GLRA1: variants seen among roughly 807,000 people sequenced by gnomAD.
GLRA1 encodes the protein glycine receptor alpha 1.
In GLRA1, 37 loss-of-function variants were observed where a neutral mutation model predicts 48.3. The ratio of observed to expected loss-of-function variants is 0.77; its 90% CI spans 0.59 to 1.01. GLRA1 has a LOEUF of 1.01. GLRA1 is among the 50% of genes least tolerant of loss of function. The pLI, the probability that GLRA1 is intolerant of heterozygous loss-of-function variation, is 0.00. For missense variants in GLRA1, 427 were observed against 571.0 expected (o/e 0.75, Z 2.57); for synonymous variants, 196 against 210.7 (o/e 0.93, Z 0.60).
rs1275055590 is a variant in GLRA1, at chr5:151,831,541, G to T, written c.913-2474C>A. 2.4e-4 allele frequency among the ~76,000 whole-genome samples: 36 copies of T among 152,122 alleles called. 1 individual carries two copies. The highest frequency in any genetic ancestry group is 2.4e-3 in the Admixed American group (36 of 15,274). ...TGTAAACAAAGCTGCCAGGAAGTTC[G>T]AACTGGGTGGAGCACACCACAGCTC... On this transcript the variant is annotated intron_variant, in intron 7 of 8. Transcript: ENST00000274576.
chr5:151,851,357 A>G, intron 7 of GLRA1, 33 bp downstream of exon 7: 1 of 1,398,780 alleles, frequency 7.1e-7, no homozygotes, highest in Non-Finnish European at 1.0e-6. Flanking sequence ...TTATTTGTCC[A>G]GGTGTTCTGT....
intron 1 of GLRA1, among the ~76,000 whole-genome samples, chr5:151,918,892 TA>T (rs755137904): frequency 4.6e-5 from 7 of 152,098 alleles, no homozygotes; most frequent in South Asian, 2.1e-4. Flanking sequence ...AAGAGTGCAT[TA>T]AAAAAAATCT....
At chr5:151,849,124 C>CTTTCTTTTCTTTTCTTTTCT (rs1752778419) in intron 7 of GLRA1, 1 of 187,120 alleles carries the variant, frequency 5.3e-6, no homozygotes, top group Non-Finnish European at 9.2e-6. Flanking sequence ...TTCTTTCTTT[C>CTTTCTTTTCTTTTCTTTTCT]TTTCTTTCTT....
At chr5:151,887,726 A>G (rs1288980684) in intron 2 of GLRA1, among the ~76,000 whole-genome samples, 1 of 152,202 alleles carries the variant, frequency 6.6e-6, no homozygotes, top group Non-Finnish European at 1.5e-5. Flanking sequence ...TCACGATCAC[A>G]CAGACAGTGG....
In GLRA1 at chr5:151,831,754, G is replaced by A. The variant is rs143265155; in HGVS notation, c.913-2687C>T. Among the ~76,000 whole-genome samples the A allele has an allele frequency of 9.2e-3, 1,397 of 152,322 alleles. 19 individuals are homozygous for A. The highest frequency in any genetic ancestry group is 0.031 in the African/African-American group (1,304 of 41,574). On this transcript the variant is annotated intron_variant, in intron 7 of 8. Transcript: ENST00000274576. ...CAGACTTAAACGTTCCTGCCTGCCAGCTCTGAAGAGAGCAGTGGATCTCCC... is the reference window on the plus strand; with the variant it reads ...CAGACTTAAACGTTCCTGCCTGCCAACTCTGAAGAGAGCAGTGGATCTCCC...
intron 1 of GLRA1, among the ~76,000 whole-genome samples, chr5:151,903,492 G>A (rs1046854872): frequency 4.6e-5 from 7 of 152,156 alleles, no homozygotes; most frequent in Admixed American, 3.3e-4. Flanking sequence ...AGTCAGAGCT[G>A]CAGCTATGCT....
At chr5:151,861,661 G>T (rs1367808673) in intron 3 of GLRA1, among the ~76,000 whole-genome samples, 1 of 152,066 alleles carries the variant, frequency 6.6e-6, no homozygotes, top group Non-Finnish European at 1.5e-5. Flanking sequence ...GCCAAATCAT[G>T]AGTGAACTCC....
At position 151,872,906 on chromosome 5, in the gene GLRA1, C is replaced by T. The variant is rs1201073299; in HGVS notation, c.253-12898G>A. Among the ~76,000 whole-genome samples, 2 of 149,480 alleles carry T rather than the reference C, an allele frequency of 1.3e-5. 1 individual carries two copies. Among genetic ancestry groups the T allele is most frequent in the African/African-American group, 5.1e-5 (2 of 38,884 alleles). ...AAGCAAATTGTATTGCACAATCCTA[C>T]TTATATAAAGACATGTATATGTACC... On this transcript the variant is annotated intron_variant, in intron 3 of 8. Transcript: ENST00000274576.
chr5:151,894,931 A>G (rs1754192719), intron 1 of GLRA1, among the ~76,000 whole-genome samples: 1 of 152,220 alleles, frequency 6.6e-6, no homozygotes, highest in Non-Finnish European at 1.5e-5. Flanking sequence ...TAATCTGAAG[A>G]TCCTTACTCA....
intron 2 of GLRA1, among the ~76,000 whole-genome samples, 162 bp from the exon 3 acceptor site, chr5:151,886,950 C>T (rs1753923958): frequency 6.6e-6 from 1 of 152,174 alleles, no homozygotes; most frequent in African/African-American, 2.4e-5. Flanking sequence ...TTCCCAGCCA[C>T]CATTTAACAT....
At chr5:151,836,625 C>T (rs943142273) in intron 7 of GLRA1, among the ~76,000 whole-genome samples, 4 of 152,154 alleles carry the variant, frequency 2.6e-5, no homozygotes, top group African/African-American at 7.2e-5. Context: ...ACCAACGGAA[C>T]AGAACAGAGG....
chr5:151,922,970 T>G (rs1169328692), intron 1 of GLRA1, among the ~76,000 whole-genome samples: 1 of 152,262 alleles, frequency 6.6e-6, no homozygotes, highest in Non-Finnish European at 1.5e-5. Context: ...CTATTAAATA[T>G]GCAGGGGATA....
At chr5:151,890,201 T>C (rs1434860970) in intron 2 of GLRA1, among the ~76,000 whole-genome samples, 1 of 152,190 alleles carries the variant, frequency 6.6e-6, no homozygotes, top group Non-Finnish European at 1.5e-5. Flanking sequence ...AAAAAGTCAC[T>C]TAACTGCTCT....
intron 3 of GLRA1, among the ~76,000 whole-genome samples, chr5:151,864,919 AT>A (rs1753292683): frequency 6.6e-6 from 1 of 152,134 alleles, no homozygotes; most frequent in Non-Finnish European, 1.5e-5. Context: ...GACTTTTCTT[AT>A]TTTATATCTG....
chr5:151,875,318 G>T (rs1213654324), intron 3 of GLRA1, among the ~76,000 whole-genome samples: 3 of 152,128 alleles, frequency 2.0e-5, no homozygotes, highest in African/African-American at 7.2e-5. Flanking sequence ...GCCTACAGGT[G>T]CATGCCACCA....
At chr5:151,889,370 A>G (rs967318246) in intron 2 of GLRA1, among the ~76,000 whole-genome samples, 1 of 152,258 alleles carries the variant, frequency 6.6e-6, no homozygotes, top group Non-Finnish European at 1.5e-5. Flanking sequence ...ACAGAATAAC[A>G]GAGCTGGAAT....
chr5:151,844,312 G>T (rs1275373875), intron 7 of GLRA1, among the ~76,000 whole-genome samples: 1 of 151,816 alleles, frequency 6.6e-6, no homozygotes, highest in Non-Finnish European at 1.5e-5. Context: ...CCTTGGATTA[G>T]GCAATAGTTT....
At chr5:151,843,548 A>G (rs1313551374) in intron 7 of GLRA1, among the ~76,000 whole-genome samples, 1 of 152,140 alleles carries the variant, frequency 6.6e-6, no homozygotes, top group Non-Finnish European at 1.5e-5. Context: ...GGTGTGAGCC[A>G]CCATGCCTGG....
Position 151,868,758 on chromosome 5 carries a change from TG to T in GLRA1, c.253-8751del, listed in dbSNP as rs199690912. Among the ~76,000 whole-genome samples the T allele has an allele frequency of 5.7e-3, 874 of 152,308 alleles. 12 individuals are homozygous for T. The highest frequency in any genetic ancestry group is 0.02 in the African/African-American group (845 of 41,558). On this transcript the variant is annotated intron_variant, in intron 3 of 8. Transcript: ENST00000274576. The stretch of plus-strand genomic sequence containing the variant: ...TGCCCTAGATTTAGCAGTCTGCTAG[TG>T]CTTTATTTCTGCCTCGAGCCATGGA...
Sources: allele counts gnomAD v4.1 joint callset (sites outside exome capture counted in the v4.1 genomes callset), GRCh38; gene constraint gnomAD v4.1.1; transcripts MANE v1.5; gene names NCBI Gene and HGNC (gene_info 2026-07-23, HGNC 2026-07-21).